The following LDB3 variants were observed in gnomAD, a reference collection of about 807,000 sequenced individuals.
The protein encoded by LDB3 is LIM domain-binding protein 3.
Under a neutral mutation model 69.0 loss-of-function variants are expected in LDB3, and 49 were observed. The ratio of observed to expected loss-of-function variants is 0.71; its 90% CI spans 0.56 to 0.90. LDB3 has a LOEUF of 0.90. Among genes scored for constraint, LDB3 ranks in the 40% least tolerant of loss-of-function variants. The pLI, the probability that LDB3 is intolerant of heterozygous loss-of-function variation, is 0.00. For synonymous variants in LDB3, 387 were observed against 396.2 expected, an observed-to-expected ratio of 0.98 and a Z score of 0.28; for missense variants, 928 against 974.1, an observed-to-expected ratio of 0.95 and a Z score of 0.63.
chr10:86,722,723 C>T (rs140956212), intron 12 of LDB3, among the ~76,000 whole-genome samples: 317 of 151,742 alleles, frequency 2.1e-3, no homozygotes, highest in African/African-American at 7.2e-3. Flanking sequence ...CCCACCAACA[C>T]GCCTGGCTAA....
chr10:86,724,621 A>AAAT (rs1564661919), intron 12 of LDB3, among the ~76,000 whole-genome samples: 4 of 151,622 alleles, frequency 2.6e-5, no homozygotes, highest in African/African-American at 9.7e-5. Flanking sequence ...ATAAAAATAA[A>AAAT]AAATAAATAA....
intron 2 of LDB3, among the ~76,000 whole-genome samples, chr10:86,669,944 TGGGCAAGGCCTGAAG>T (rs1465834839): frequency 2.0e-5 from 3 of 152,098 alleles, no homozygotes; most frequent in Non-Finnish European, 4.4e-5. Context: ...AGCACTGAAG[TGGGCAAGGCCTGAAG>T]GGGCTTGGCA....
intron 7 of LDB3, among the ~76,000 whole-genome samples, chr10:86,698,087 C>T (rs556758137): frequency 1.9e-4 from 29 of 152,304 alleles, no homozygotes; most frequent in Admixed American, 5.9e-4. Context: ...CCCTCCAGCA[C>T]CCACCCACCT....
chr10:86,718,667 G>C lies in LDB3; in HGVS notation c.1858-60G>C, dbSNP rs1028005209. 29 of 1,612,096 alleles carry C rather than the reference G, an allele frequency of 1.8e-5. No homozygotes were observed. In the African/African-American group the frequency reaches 3.2e-4, roughly 18 times the overall value. On this transcript the variant is annotated intron_variant, in intron 11 of 13. Transcript: ENST00000361373. The stretch of plus-strand genomic sequence containing the variant: ...GCTCGGGCAGTGGCTGGAGCCTGGT[G>C]GGGTAGTCAAGCCCGCTCCCTCTCT...
chr10:86,671,218 G>T (rs761749936), intron 2 of LDB3, among the ~76,000 whole-genome samples: 2 of 152,212 alleles, frequency 1.3e-5, no homozygotes, highest in Non-Finnish European at 2.9e-5. Flanking sequence ...ATGTCCATGG[G>T]TGGATCTCCT....
intron 5 of LDB3, among the ~76,000 whole-genome samples, chr10:86,682,683 G>A (rs4934243): frequency 0.086 from 13,020 of 152,212 alleles, 647 homozygotes; most frequent in Non-Finnish European, 0.1. Flanking sequence ...TTCCTCCTCC[G>A]AATCATGGAG....
intron 5 of LDB3, among the ~76,000 whole-genome samples, chr10:86,689,509 G>A (rs1327496962): frequency 5.3e-5 from 8 of 152,234 alleles, no homozygotes; most frequent in African/African-American, 1.9e-4. Flanking sequence ...TCACAGAGTA[G>A]TGACACTCAT....
chr10:86,712,140 C>T (rs116103414), intron 9 of LDB3, among the ~76,000 whole-genome samples: 1 of 151,870 alleles, frequency 6.6e-6, no homozygotes, highest in African/African-American at 2.4e-5. Context: ...GGGGTTGCGA[C>T]GGGGGAACGG....
chr10:86,686,780 A>G (rs545554376), intron 5 of LDB3, among the ~76,000 whole-genome samples: 6 of 147,548 alleles, frequency 4.1e-5, no homozygotes, highest in Non-Finnish European at 6.0e-5. Context: ...GCACTCCACC[A>G]TGGGCGACAA....
chr10:86,680,769 AC>A (rs754040411), intron 4 of LDB3, among the ~76,000 whole-genome samples: 4 of 151,974 alleles, frequency 2.6e-5, no homozygotes, highest in Admixed American at 6.5e-5. Context: ...AAGCAGCTCA[AC>A]CCCCGAGGGC....
At position 86,699,458 on chromosome 10, in the gene LDB3, G is replaced by A. The variant is rs942359741; in HGVS notation, c.896+6887G>A. 43 of 1,602,468 alleles carry A rather than the reference G, an allele frequency of 2.7e-5. No individual in the cohort carries two copies. Among genetic ancestry groups the A allele is most frequent in the African/African-American group, 1.1e-4 (8 of 74,580 alleles). On this transcript the variant is annotated intron_variant, in intron 7 of 13. Transcript: ENST00000361373. This position sits in a 1 kb window ranked among gnomAD's most constrained non-coding sequence, Gnocchi z 4.9. ...CACAGATCTGGCATGTGAGCCCCAC[G>A]GTGATGCTTGACAATGTATAACTCT...
intron 13 of LDB3, among the ~76,000 whole-genome samples, chr10:86,729,667 A>G (rs1403814054): frequency 6.6e-6 from 1 of 152,114 alleles, no homozygotes; most frequent in Non-Finnish European, 1.5e-5. Context: ...GGCCTCCTCC[A>G]CTATGAAGCC....
chr10:86,675,773 T>C (rs1028150497), intron 2 of LDB3, among the ~76,000 whole-genome samples: 5 of 152,228 alleles, frequency 3.3e-5, no homozygotes, highest in African/African-American at 1.2e-4. Flanking sequence ...GGTACAGCCA[T>C]GGTGGCGGGT....
At chr10:86,704,385 G>A (rs1564650802) in intron 7 of LDB3, among the ~76,000 whole-genome samples, 1 of 151,726 alleles carries the variant, frequency 6.6e-6, no homozygotes, top group Non-Finnish European at 1.5e-5. Flanking sequence ...GCTCAGGGAG[G>A]TTTAAATGAT....
rs201773873 is a variant in LDB3 at position 86,681,542 on chromosome 10, G to T, written c.428G>T (p.Ser143Ile). 6.2e-7 allele frequency: 1 copy of T among 1,612,860 alleles called. No individual in the cohort carries two copies. Among genetic ancestry groups the T allele is most frequent in the African/African-American group, 1.3e-5 (1 of 75,058 alleles). The part of the protein sequence containing the change: ...PGTPELRPTF[S>I]PAFSRPSAFS... ...ACCCCGGAGCTCAGGCCCACCTTTA[G>T]CCCTGCCTTCTCCCGGCCCTCCGCC... Residue 143 changes from serine (S) to isoleucine (I), a missense_variant, in exon 5 of 14, where the codon AGC becomes ATC. Ser to Ile is a moderately radical substitution (Grantham distance 142). Transcript: ENST00000361373.
intron 5 of LDB3, among the ~76,000 whole-genome samples, chr10:86,683,795 C>T (rs1845291865): frequency 6.6e-6 from 1 of 152,222 alleles, no homozygotes; most frequent in African/African-American, 2.4e-5. Flanking sequence ...GGGTCAGCAA[C>T]AGGGTCAGCA....
At chr10:86,679,571 G>T in intron 3 of LDB3, 53 bp downstream of exon 3, 8 of 1,593,754 alleles carry the variant, frequency 5.0e-6, no homozygotes, top group Non-Finnish European at 6.9e-6. Flanking sequence ...TGGGCATGGG[G>T]CAGGGGCCAA....
chr10:86,712,116 C>T (rs569102027), intron 9 of LDB3, among the ~76,000 whole-genome samples: 2 of 152,164 alleles, frequency 1.3e-5, no homozygotes, highest in East Asian at 2.0e-4. Context: ...GCCTGCTCGC[C>T]CCCCGACGGA....
intron 12 of LDB3, among the ~76,000 whole-genome samples, chr10:86,723,857 A>G (rs949088368): frequency 6.6e-6 from 1 of 152,250 alleles, no homozygotes; most frequent in Non-Finnish European, 1.5e-5. Flanking sequence ...CACATGCAAG[A>G]GATAAGTGTA....
Sources: gnomAD v4.1 joint callset for allele counts (sites outside exome capture counted in the v4.1 genomes callset) on GRCh38, gnomAD v4.1.1 for gene constraint, Gnocchi (gnomAD v3.1) non-coding constraint, MANE v1.5 for transcripts, NCBI Gene and HGNC (gene_info 2026-07-23, HGNC 2026-07-21) for gene names.